Variants in RPP30 observed in about 807,000 individuals in gnomAD.
The protein encoded by RPP30 is ribonuclease P/MRP subunit p30, also known as ribonuclease P protein subunit p30.
In RPP30, 36 loss-of-function variants were observed where a neutral mutation model predicts 38.6. The observed-to-expected ratio is 0.93, with a 90% confidence interval of 0.71 to 1.23. The LOEUF (loss-of-function observed/expected upper bound fraction) is 1.23, where lower values mean the gene tolerates loss of function less well. Ranked by LOEUF, RPP30 falls within the 50% of genes most tolerant of loss-of-function variation. The probability of loss-of-function intolerance (pLI) is 0.00; values close to 1 mark genes in which losing one functional copy is unlikely to be tolerated. For synonymous variants in RPP30, 126 were observed against 112.7 expected (o/e 1.12, Z -0.75); for missense variants, 321 against 321.7 (o/e 1.00, Z 0.02).
chr10:90,905,488 C>A (rs1847244376), downstream of RPP30: 1 of 152,266 alleles, frequency 6.6e-6, no homozygotes, highest in South Asian at 2.1e-4. Flanking sequence ...TCTCCTGAAA[C>A]CACATATTTG....
rs1847207614 is a variant in RPP30 at position 90,901,883 on chromosome 10, A to T, written c.*1204A>T. ...CCCCAGGCTGGAGTGCAGTGGCTCG[A>T]TCTCTGCTCACTGCAAGCTCCGCCT... is the stretch of plus-strand genomic sequence containing the variant. On this transcript the variant is annotated 3_prime_UTR_variant, in exon 11 of 11. Transcript: ENST00000371703. 1.1e-5 allele frequency: 7 copies of T among 654,066 alleles called. No individual in the cohort carries two copies. Among genetic ancestry groups the T allele is most frequent in the Non-Finnish European group, 1.3e-5 (7 of 530,726 alleles). The allele number at this position is 654,066 out of a possible 1,614,324, so 40.5% of individuals were successfully genotyped here.
chr10:90,900,129 G>A (rs190138942), intron 10 of RPP30, among the ~76,000 whole-genome samples: 35 of 152,324 alleles, frequency 2.3e-4, no homozygotes, highest in African/African-American at 8.4e-4. Flanking sequence ...ATTCTTCAGA[G>A]GTACCTTGAT....
chr10:90,875,888 G>A lies in RPP30; in HGVS notation c.196-136G>A, dbSNP rs535488536. On this transcript the variant is annotated intron_variant, in intron 3 of 10. Transcript: ENST00000371703. ...TCTGTGGCTGTATTGTAAATTCCTA[G>A]AGAACAAGGACTGGGTTTTATTGAT... 2.7e-5 allele frequency: 17 copies of A among 628,208 alleles called. No homozygotes were observed. The South Asian group carries it at 3.4e-4, about 13-fold the overall frequency. 38.9% of individuals were successfully genotyped at this position (628,208 alleles called of 1,614,324 possible).
chr10:90,878,953 T>TAGC (rs201044592), intron 4 of RPP30, 110 bp from the exon 5 acceptor site: 3 of 880,394 alleles, frequency 3.4e-6, no homozygotes, highest in Non-Finnish European at 5.4e-6. Flanking sequence ...GAAATGTCAG[T>TAGC]ATATTAGAAG....
intron 5 of RPP30, 67 bp downstream of exon 5, chr10:90,879,201 T>TC: frequency 3.1e-6 from 4 of 1,273,634 alleles, no homozygotes; most frequent in Non-Finnish European, 4.5e-6. Flanking sequence ...TGTTCTGACT[T>TC]TGTAGATGAC....
intron 6 of RPP30, among the ~76,000 whole-genome samples, chr10:90,891,292 C>T (rs962314413): frequency 3.3e-5 from 5 of 152,144 alleles, no homozygotes; most frequent in Admixed American, 6.5e-5. Context: ...TAACTCCAGT[C>T]TCTGCCTTTG....
In RPP30 at chr10:90,883,665, T is replaced by C. The variant is rs150154833; in HGVS notation, c.343-2147T>C. 2.6e-5 allele frequency among the ~76,000 whole-genome samples: 4 copies of C among 152,306 alleles called. No homozygotes were observed. In the East Asian group the frequency reaches 5.8e-4, roughly 22 times the overall value. Reference sequence around the variant, plus strand: ...GCCATTGTTTAATTGGCCACTCTTATGTAGGAAAAGGGAAGAAAGGAACAA... The same window carrying C: ...GCCATTGTTTAATTGGCCACTCTTACGTAGGAAAAGGGAAGAAAGGAACAA... On this transcript the variant is annotated intron_variant, in intron 5 of 10. Transcript: ENST00000371703.
intron 6 of RPP30, among the ~76,000 whole-genome samples, chr10:90,892,961 G>A (rs1262046435): frequency 6.6e-6 from 1 of 152,170 alleles, no homozygotes; most frequent in Non-Finnish European, 1.5e-5. Context: ...AAGTGTGCAA[G>A]CTTGGCAGAG....
chr10:90,880,648 AG>A (rs1348213235), intron 5 of RPP30, among the ~76,000 whole-genome samples: 1 of 152,164 alleles, frequency 6.6e-6, no homozygotes, highest in Non-Finnish European at 1.5e-5. Context: ...TGAACCCAGG[AG>A]GCAGAGGTTA....
intron 6 of RPP30, among the ~76,000 whole-genome samples, chr10:90,888,781 C>T (rs1033595443): frequency 4.6e-5 from 7 of 152,054 alleles, no homozygotes; most frequent in Admixed American, 4.6e-4. Context: ...CGCTTAATTC[C>T]TACATTTTTC....
At chr10:90,905,145 G>A (rs181243090), downstream of RPP30, among the ~76,000 whole-genome samples, 118 of 152,228 alleles carry the variant, frequency 7.8e-4, no homozygotes, top group African/African-American at 2.5e-3. Flanking sequence ...ATTCCAGGAA[G>A]GTTTCATATG....
At chr10:90,878,463 T>C (rs1330109666) in intron 4 of RPP30, among the ~76,000 whole-genome samples, 1 of 152,112 alleles carries the variant, frequency 6.6e-6, no homozygotes, top group Non-Finnish European at 1.5e-5. Context: ...TCACACAATT[T>C]AGGTTTAAGA....
chr10:90,877,265 C>A (rs190861947), intron 4 of RPP30, among the ~76,000 whole-genome samples: 97 of 151,972 alleles, frequency 6.4e-4, no homozygotes, highest in African/African-American at 2.3e-3. Context: ...TGAGATCACA[C>A]CAGTGTACTC....
chr10:90,906,630 G>T (rs1391809395), downstream of RPP30, among the ~76,000 whole-genome samples: 11 of 152,204 alleles, frequency 7.2e-5, no homozygotes, highest in Admixed American at 2.0e-4. Context: ...CAAGCCTGGA[G>T]GCCAGGAGCC....
chr10:90,883,543 TAAGGTTG>T (rs539611334), intron 5 of RPP30, among the ~76,000 whole-genome samples: 205 of 152,278 alleles, frequency 1.3e-3, no homozygotes, highest in African/African-American at 4.6e-3. Context: ...TGGGGCATTC[TAAGGTTG>T]AAGTGTCAGA....
chr10:90,878,418 A>G (rs569945980), intron 4 of RPP30, among the ~76,000 whole-genome samples: 1 of 152,298 alleles, frequency 6.6e-6, no homozygotes, highest in South Asian at 2.1e-4. Context: ...GTTTGTGTAT[A>G]AATGTATTTT....
At chr10:90,888,275 G>A (rs1847026841) in intron 6 of RPP30, among the ~76,000 whole-genome samples, 1 of 152,220 alleles carries the variant, frequency 6.6e-6, no homozygotes, top group Non-Finnish European at 1.5e-5. Context: ...TTTGATGGGA[G>A]GAGCTAGCAT....
downstream of RPP30, among the ~76,000 whole-genome samples, chr10:90,904,809 C>CT (rs1847236672): frequency 4.0e-5 from 6 of 151,720 alleles, no homozygotes; most frequent in Admixed American, 3.9e-4. Flanking sequence ...GAGACTCTGT[C>CT]TAAAAAAAAG....
chr10:90,907,027 C>T (rs192389905), downstream of RPP30, among the ~76,000 whole-genome samples: 2 of 152,254 alleles, frequency 1.3e-5, no homozygotes, highest in East Asian at 3.9e-4. Flanking sequence ...GGATTTATTC[C>T]ATATTGTCTC....
Sources: gnomAD v4.1 joint callset for allele counts (sites outside exome capture counted in the v4.1 genomes callset) on GRCh38, gnomAD v4.1.1 for gene constraint, MANE v1.5 for transcripts, NCBI Gene and HGNC (gene_info 2026-07-23, HGNC 2026-07-21) for gene names.